The following MLPH variants were observed in gnomAD, a reference collection of about 807,000 sequenced individuals.
MLPH encodes exophilin-3.
MLPH carries 51 observed loss-of-function variants against 72.1 expected under a neutral mutation model. That is an observed-to-expected ratio of 0.71 (90% CI 0.56 to 0.89). MLPH has a LOEUF of 0.89. MLPH is among the 40% of genes least tolerant of loss of function. The pLI is 0.00. For synonymous variants in MLPH, 301 were observed against 310.1 expected (o/e 0.97, Z 0.31); for missense variants, 743 against 759.9 (o/e 0.98, Z 0.26).
At position 237,502,827 on chromosome 2, in the gene MLPH, A is replaced by T. The variant is rs1012672077; in HGVS notation, c.111-7747A>T. On this transcript the variant is annotated intron_variant, in intron 2 of 15. Coordinates refer to ENST00000264605, the MANE Select transcript of MLPH (RefSeq NM_024101.7). ...CAAACCGTGGCTTGCTTTAAAAAAA[A>T]TTTTTTTTTGACCAGGCTCGGTGAC... Among the ~76,000 whole-genome samples the T allele has an allele frequency of 5.9e-5, 9 of 151,760 alleles. No homozygotes were observed. The South Asian group carries it at 6.2e-4, about 11-fold the overall frequency.
rs534054188 is a variant in MLPH at position 237,517,103 on chromosome 2, G to A, written c.446-1436G>A. ...TGGATGGGTGGATAGATGGATAGGT[G>A]TTTGAGTGGATGGATAAATAGATGT... On this transcript the variant is annotated intron_variant, in intron 4 of 15. Coordinates refer to ENST00000264605, the MANE Select transcript of MLPH (RefSeq NM_024101.7). Among the ~76,000 whole-genome samples the A allele has an allele frequency of 4.0e-5, 6 of 151,868 alleles. No homozygotes were observed. In the East Asian group the frequency reaches 1.2e-3, roughly 29 times the overall value.
chr2:237,519,263 G>A (rs939199222), intron 5 of MLPH, among the ~76,000 whole-genome samples: 4 of 152,240 alleles, frequency 2.6e-5, no homozygotes, highest in African/African-American at 9.6e-5. Context: ...GATGCTTGGA[G>A]AGAAATGGGC....
chr2:237,488,121 T>C (rs753692702), intron 1 of MLPH, among the ~76,000 whole-genome samples: 1 of 152,166 alleles, frequency 6.6e-6, no homozygotes, highest in Non-Finnish European at 1.5e-5. Flanking sequence ...TAACTGGCAC[T>C]GGAAACTCCA....
chr2:237,526,662 G>T (rs7571100), intron 7 of MLPH, among the ~76,000 whole-genome samples: 25,317 of 152,104 alleles, frequency 0.17, 2,327 homozygotes, highest in African/African-American at 0.23. Flanking sequence ...CGTGCTGGGA[G>T]AGCTGCCTCA....
intron 8 of MLPH, among the ~76,000 whole-genome samples, chr2:237,528,995 C>A (rs2080362918): frequency 6.6e-6 from 1 of 152,064 alleles, no homozygotes; most frequent in South Asian, 2.1e-4. Flanking sequence ...ATATATTTTA[C>A]AAGAGGAGGA....
chr2:237,551,720 A>G (rs146348633), intron 14 of MLPH, among the ~76,000 whole-genome samples: 1,561 of 152,206 alleles, frequency 0.01, 20 homozygotes, highest in African/African-American at 0.035. Context: ...GCTCACACCT[A>G]TAATTCCAGC....
chr2:237,531,986 G>C (rs1257020685), intron 8 of MLPH, among the ~76,000 whole-genome samples: 2 of 152,202 alleles, frequency 1.3e-5, no homozygotes, highest in Non-Finnish European at 2.9e-5. Flanking sequence ...AGCTTTGTTT[G>C]AATTATTCAA....
At chr2:237,500,168 T>C (rs1002231789) in intron 2 of MLPH, among the ~76,000 whole-genome samples, 2 of 152,206 alleles carry the variant, frequency 1.3e-5, no homozygotes, top group Non-Finnish European at 2.9e-5. Flanking sequence ...CCCTTCTCTG[T>C]CTCCTTTGCT....
intron 8 of MLPH, among the ~76,000 whole-genome samples, chr2:237,528,285 A>C (rs2080347043): frequency 6.6e-6 from 1 of 151,766 alleles, no homozygotes; most frequent in Non-Finnish European, 1.5e-5. Flanking sequence ...TTTATAATTG[A>C]AAAAAGTAAT....
intron 9 of MLPH, among the ~76,000 whole-genome samples, chr2:237,538,565 G>T (rs13383538): frequency 1.3e-5 from 2 of 152,044 alleles, no homozygotes; most frequent in Non-Finnish European, 2.9e-5. Context: ...TCACTGTCAG[G>T]CATCAGTGTC....
intron 6 of MLPH, among the ~76,000 whole-genome samples, chr2:237,524,390 A>G (rs2106335825): frequency 6.6e-6 from 1 of 151,002 alleles, no homozygotes; most frequent in Admixed American, 6.6e-5. Flanking sequence ...CAAGCTGAGG[A>G]GCAGGGAGAG....
At chr2:237,545,993 G>A (rs545288665) in intron 12 of MLPH, among the ~76,000 whole-genome samples, 67 of 152,312 alleles carry the variant, frequency 4.4e-4, no homozygotes, top group African/African-American at 1.6e-3. Context: ...ACTTGTGCCC[G>A]AGGTGGTTAG....
At chr2:237,515,716 G>C (rs1442898070) in intron 4 of MLPH, among the ~76,000 whole-genome samples, 2 of 152,164 alleles carry the variant, frequency 1.3e-5, no homozygotes, top group African/African-American at 4.8e-5. Flanking sequence ...GAAACAGGCA[G>C]CTCCAAGGAG....
intron 8 of MLPH, among the ~76,000 whole-genome samples, chr2:237,530,667 T>C (rs544914828): frequency 5.3e-5 from 8 of 152,352 alleles, no homozygotes; most frequent in African/African-American, 1.9e-4. Flanking sequence ...TGAAAGGCCC[T>C]GACAAGGCCT....
chr2:237,511,984 A>G (rs1472267494), intron 4 of MLPH, among the ~76,000 whole-genome samples: 1 of 152,136 alleles, frequency 6.6e-6, no homozygotes, highest in Admixed American at 6.5e-5. Flanking sequence ...TCTGCCACTA[A>G]GCCCGGCCAA....
intron 12 of MLPH, 155 bp from the exon 13 acceptor site, chr2:237,546,451 C>T (rs778851511): frequency 5.6e-6 from 4 of 708,840 alleles, no homozygotes; most frequent in Non-Finnish European, 1.0e-5. Context: ...TCCCAGAGTC[C>T]TGGAGCGGCA....
chr2:237,545,253 G>A (rs1321266071), intron 12 of MLPH, among the ~76,000 whole-genome samples: 1 of 151,454 alleles, frequency 6.6e-6, no homozygotes, highest in Non-Finnish European at 1.5e-5. Flanking sequence ...GGTGAGTGAG[G>A]GGAACACAGC....
chr2:237,527,959 G>C lies in MLPH; in HGVS notation c.1020+443G>C, dbSNP rs112290847. Among the ~76,000 whole-genome samples, 286 of 152,346 alleles carry C rather than the reference G, an allele frequency of 1.9e-3. 1 individual carries two copies. Among genetic ancestry groups the C allele is most frequent in the African/African-American group, 6.6e-3 (276 of 41,580 alleles). On this transcript the variant is annotated intron_variant, in intron 8 of 15. Transcript: ENST00000264605. ...ATATTATTCACCCCTAAAAAGGAAA[G>C]AAACGCTGACACATGCTAGACCATG...
chr2:237,553,863 A>C lies in MLPH; in HGVS notation c.*271A>C. ...TAAGCTGCTGTGACTTCCCTTTAGG[A>C]CAATGTTGTGTAAATCTTTGAAGGA... On this transcript the variant is annotated 3_prime_UTR_variant, in exon 16 of 16. Coordinates refer to ENST00000264605, the MANE Select transcript of MLPH (RefSeq NM_024101.7). 1.6e-6 allele frequency: 1 copy of C among 643,088 alleles called. No homozygotes were observed. Among genetic ancestry groups the C allele is most frequent in the South Asian group, 1.6e-5 (1 of 61,984 alleles). 39.8% of individuals were successfully genotyped at this position (643,088 alleles called of 1,614,324 possible).
Sources: allele counts gnomAD v4.1 joint callset (sites outside exome capture counted in the v4.1 genomes callset), GRCh38; gene constraint gnomAD v4.1.1; transcripts MANE v1.5; gene names NCBI Gene and HGNC (gene_info 2026-07-23, HGNC 2026-07-21).